Variants in NDUFB6 observed in about 807,000 individuals in gnomAD.
NDUFB6 encodes NADH:ubiquinone oxidoreductase subunit B6, also known as NADH dehydrogenase [ubiquinone] 1 beta subcomplex subunit 6.
A neutral mutation model predicts 17.5 loss-of-function variants in NDUFB6; 23 were observed. That is an observed-to-expected ratio of 1.31 (90% CI 0.94 to 1.86). The LOEUF (loss-of-function observed/expected upper bound fraction) is 1.86. NDUFB6 is among the 40% of genes most tolerant of loss of function. The pLI, the probability that NDUFB6 is intolerant of heterozygous loss-of-function variation, is 0.00. For synonymous variants in NDUFB6, 60 were observed against 53.5 expected, an observed-to-expected ratio of 1.12 and a Z score of -0.53; for missense variants, 167 against 153.8, an observed-to-expected ratio of 1.09 and a Z score of -0.46.
At chr9:32,561,493 A>G (rs34866437) in intron 2 of NDUFB6, among the ~76,000 whole-genome samples, 15,640 of 151,978 alleles carry the variant, frequency 0.1, 1,035 homozygotes, top group Middle Eastern at 0.28. Context: ...AAGCCCAGCT[A>G]ATTTTTTTGT....
intron 2 of NDUFB6, chr9:32,567,590 G>A (rs923228114): frequency 1.6e-5 from 6 of 381,530 alleles, no homozygotes; most frequent in African/African-American, 8.5e-5. Context: ...CTCCCAAAGT[G>A]CTGGGATTAC....
intron 2 of NDUFB6, among the ~76,000 whole-genome samples, chr9:32,565,817 C>T (rs763300166): frequency 5.3e-5 from 8 of 152,036 alleles, no homozygotes; most frequent in Admixed American, 1.3e-4. Flanking sequence ...ACTAAAAATA[C>T]AAAAATTAGC....
intron 2 of NDUFB6, among the ~76,000 whole-genome samples, chr9:32,560,258 C>T (rs576418120): frequency 4.6e-5 from 7 of 152,316 alleles, no homozygotes; most frequent in Middle Eastern, 6.8e-3. Flanking sequence ...AAATGTTTAA[C>T]TAAATATGTC....
intron 3 of NDUFB6, among the ~76,000 whole-genome samples, chr9:32,556,383 A>G (rs1397816233): frequency 2.0e-5 from 3 of 152,256 alleles, no homozygotes; most frequent in Admixed American, 6.5e-5. Flanking sequence ...TTGTATCACA[A>G]TCTTGGAACC....
intron 3 of NDUFB6, among the ~76,000 whole-genome samples, chr9:32,555,541 T>C (rs981094517): frequency 1.3e-5 from 2 of 152,232 alleles, no homozygotes; most frequent in African/African-American, 4.8e-5. Context: ...CATGAGACAC[T>C]GACTAGAAGT....
rs2118992364 is a variant in NDUFB6 at position 32,553,495 on chromosome 9, AT to A, written c.*380del. On this transcript the variant is annotated 3_prime_UTR_variant, in exon 4 of 4. Transcript: ENST00000379847. ...TGAGCCACTGCGCCTGGCCGGAAAG[AT>A]TTCCTTAAAACAAAAGTGCATGGAA... is the stretch of plus-strand genomic sequence containing the variant. The A allele has an allele frequency of 5.0e-6, 1 of 200,804 alleles. No individual in the cohort carries two copies. The highest frequency in any genetic ancestry group is 7.2e-5 in the South Asian group (1 of 13,862). The allele number at this position is 200,804 out of a possible 1,614,324, so 12.4% of individuals were successfully genotyped here. A position where few individuals can be genotyped will look rare whatever the true frequency, so the allele number is the denominator to read the frequency against.
intron 2 of NDUFB6, chr9:32,565,308 A>G (rs994151758): frequency 6.6e-6 from 1 of 152,326 alleles, no homozygotes; most frequent in African/African-American, 2.4e-5. Context: ...AAAAAAGAAA[A>G]AAATTCAGCA....
chr9:32,563,618 C>A (rs1056348862), intron 2 of NDUFB6, among the ~76,000 whole-genome samples: 1 of 151,316 alleles, frequency 6.6e-6, no homozygotes, highest in Non-Finnish European at 1.5e-5. Flanking sequence ...GCCACTGTGC[C>A]CAGACTAATG....
chr9:32,561,142 T>C (rs1821613273), intron 2 of NDUFB6, among the ~76,000 whole-genome samples: 1 of 152,200 alleles, frequency 6.6e-6, no homozygotes, highest in Admixed American at 6.5e-5. Flanking sequence ...GATATACAAA[T>C]TGTTAGCCCT....
chr9:32,567,016 G>A (rs973444005), intron 2 of NDUFB6: 1 of 500,624 alleles, frequency 2.0e-6, no homozygotes, highest in African/African-American at 1.9e-5. Context: ...GAGGGAGCTA[G>A]AAGCAGAGGT....
chr9:32,572,523 G>C (rs1563999424), intron 1 of NDUFB6, among the ~76,000 whole-genome samples: 1 of 152,190 alleles, frequency 6.6e-6, no homozygotes, highest in Non-Finnish European at 1.5e-5. Flanking sequence ...AGTCAGACAA[G>C]TGTCCTCAAA....
At chr9:32,562,851 C>T (rs1246030485) in intron 2 of NDUFB6, among the ~76,000 whole-genome samples, 2 of 152,178 alleles carry the variant, frequency 1.3e-5, no homozygotes, top group Non-Finnish European at 2.9e-5. Flanking sequence ...TGTGCAGGCT[C>T]TTTAAAATTC....
chr9:32,553,293 A>T lies in NDUFB6; in HGVS notation c.*583T>A. The T allele has an allele frequency of 5.6e-6, 1 of 179,468 alleles. No individual in the cohort carries two copies. The highest frequency in any genetic ancestry group is 1.2e-5 in the Non-Finnish European group (1 of 84,704). 11.1% of individuals were successfully genotyped at this position (179,468 alleles called of 1,614,324 possible). A position where few individuals can be genotyped will look rare whatever the true frequency, so the allele number is the denominator to read the frequency against. On this transcript the variant is annotated 3_prime_UTR_variant, in exon 4 of 4. Coordinates refer to ENST00000379847, the MANE Select transcript of NDUFB6 (RefSeq NM_002493.5). ...AAGCTCCGCCTTCTGGGTTCACACC[A>T]ATCTCGTGCCTCAGCCTCCGCAGTA...
In NDUFB6 at chr9:32,563,491, C is replaced by CTTTTTTTTTTTTTTTTTTTTTT. The variant is rs111646430; in HGVS notation, c.274-4538_274-4537insAAAAAAAAAAAAAAAAAAAAAA. On this transcript the variant is annotated intron_variant, in intron 2 of 3. Transcript: ENST00000379847. ...CTCCTGAACAGGTGGGACTATTGGG[C>CTTTTTTTTTTTTTTTTTTTTTT]TTTTTTTTTTTTTGGAGGGATGGGG... 2.4e-4 allele frequency among the ~76,000 whole-genome samples: 22 copies of CTTTTTTTTTTTTTTTTTTTTTT among 91,978 alleles called. 2 individuals carry two copies. The highest frequency in any genetic ancestry group is 8.4e-4 in the African/African-American group (19 of 22,572). 60.3% of individuals were successfully genotyped at this position (91,978 alleles called of 152,430 possible). A position where few individuals can be genotyped will look rare whatever the true frequency, so the allele number is the denominator to read the frequency against.
At chr9:32,560,510 T>C (rs1318291045) in intron 2 of NDUFB6, among the ~76,000 whole-genome samples, 1 of 152,260 alleles carries the variant, frequency 6.6e-6, no homozygotes, top group African/African-American at 2.4e-5. Context: ...ATTCCATACA[T>C]TCTGTTGATC....
At chr9:32,570,411 G>T (rs1821912470) in intron 2 of NDUFB6, among the ~76,000 whole-genome samples, 1 of 152,056 alleles carries the variant, frequency 6.6e-6, no homozygotes, top group Non-Finnish European at 1.5e-5. Flanking sequence ...TTCTGCCTGG[G>T]ATCCAACACC....
rs1307524596 is a variant in NDUFB6, at chr9:32,553,607, AC to A, written c.*268del. On this transcript the variant is annotated 3_prime_UTR_variant, in exon 4 of 4. Coordinates refer to ENST00000379847, the MANE Select transcript of NDUFB6 (RefSeq NM_002493.5). ...AGTGTAAGTACTGTGTAAGAAAAAA[AC>A]AAACAAACATGTAACTAAATACTTT... 3 of 390,244 alleles carry A rather than the reference AC, an allele frequency of 7.7e-6. No individual in the cohort carries two copies. Among genetic ancestry groups the A allele is most frequent in the Non-Finnish European group, 9.4e-6 (2 of 213,740 alleles). 24.2% of individuals were successfully genotyped at this position (390,244 alleles called of 1,614,324 possible).
chr9:32,554,533 T>A (rs543254556), intron 3 of NDUFB6, among the ~76,000 whole-genome samples: 1 of 152,346 alleles, frequency 6.6e-6, no homozygotes, highest in African/African-American at 2.4e-5. Flanking sequence ...AATTTCAGTT[T>A]CAGCCATGTG....
Position 32,573,125 on chromosome 9 carries a change from C to A in NDUFB6, c.-65G>T. On this transcript the variant is annotated 5_prime_UTR_variant, in exon 1 of 4. Transcript: ENST00000379847. ...TCGAACTACGGACTAGTTACTTAAG[C>A]GCGCTCCCGCTCTGCAAAGCGACCT... 2.1e-6 allele frequency: 3 copies of A among 1,438,800 alleles called. No individual in the cohort carries two copies. The highest frequency in any genetic ancestry group is 9.2e-7 in the Non-Finnish European group (1 of 1,091,360). The allele number at this position is 1,438,800 out of a possible 1,614,324, so 89.1% of individuals were successfully genotyped here. A position where few individuals can be genotyped will look rare whatever the true frequency, so the allele number is the denominator to read the frequency against.
Sources: allele counts gnomAD v4.1 joint callset (sites outside exome capture counted in the v4.1 genomes callset), GRCh38; gene constraint gnomAD v4.1.1; transcripts MANE v1.5; gene names NCBI Gene and HGNC (gene_info 2026-07-23, HGNC 2026-07-21).